PTPRD: variants seen among roughly 807,000 people sequenced by gnomAD.
PTPRD encodes receptor-type tyrosine-protein phosphatase delta.
In PTPRD, 34 loss-of-function variants were observed where a neutral mutation model predicts 214.5. That is an observed-to-expected ratio of 0.16 (90% confidence interval 0.12 to 0.21). PTPRD has a LOEUF of 0.21. Among genes scored for constraint, PTPRD ranks in the 10% least tolerant of loss-of-function variants. PTPRD has a pLI of 1.00. For synonymous variants in PTPRD, 1,128 were observed against 845.7 expected (o/e 1.33, Z -5.79); for missense variants, 2,545 against 2,398.7 (o/e 1.06, Z -1.27).
intron 43 of PTPRD, among the ~76,000 whole-genome samples, chr9:8,333,000 G>T (rs931683946): frequency 6.6e-6 from 1 of 152,046 alleles, no homozygotes; most frequent in Non-Finnish European, 1.5e-5. Context: ...CACTCATATT[G>T]AGAAGAGAGA....
At chr9:10,408,614 C>A (rs1322453471) in intron 2 of PTPRD, among the ~76,000 whole-genome samples, 1 of 151,584 alleles carries the variant, frequency 6.6e-6, no homozygotes, top group African/African-American at 2.4e-5. Flanking sequence ...GATAATACTT[C>A]TATATATATT....
Position 10,558,785 on chromosome 9 carries a change from A to G in PTPRD, c.-600+53613T>C, listed in dbSNP as rs148417677. On this transcript the variant is annotated intron_variant, in intron 2 of 45. Transcript: ENST00000381196. ...GGATGAATGGATTCACTCAATGAGA[A>G]TTTTGTAAGCATGTAAAAACAATAT... Among the ~76,000 whole-genome samples, 145 of 152,302 alleles carry G rather than the reference A, an allele frequency of 9.5e-4. 2 individuals carry two copies. The highest frequency in any genetic ancestry group is 3.4e-3 in the African/African-American group (143 of 41,566).
intron 7 of PTPRD, among the ~76,000 whole-genome samples, chr9:9,692,264 G>C (rs974925707): frequency 6.6e-6 from 1 of 151,770 alleles, no homozygotes; most frequent in African/African-American, 2.4e-5. Flanking sequence ...TGAGGTCTTA[G>C]ATTTATGTCT....
intron 2 of PTPRD, among the ~76,000 whole-genome samples, chr9:10,555,236 GCC>G: frequency 6.6e-6 from 1 of 152,164 alleles, no homozygotes; most frequent in Non-Finnish European, 1.5e-5. Flanking sequence ...CTAAAACCAA[GCC>G]TTATATATTT....
At chr9:10,103,372 G>A (rs1048046634) in intron 3 of PTPRD, among the ~76,000 whole-genome samples, 10 of 83,674 alleles carry the variant, frequency 1.2e-4, no homozygotes, top group Non-Finnish European at 6.8e-5. Flanking sequence ...ATTTTAAACT[G>A]CATATTATAT....
chr9:9,158,286 T>C (rs138084746), intron 10 of PTPRD, among the ~76,000 whole-genome samples: 2 of 152,204 alleles, frequency 1.3e-5, no homozygotes, highest in African/African-American at 4.8e-5. Context: ...CTTTGAGGAA[T>C]TGCCACACTG....
At chr9:8,757,791 C>A (rs758078359) in intron 11 of PTPRD, among the ~76,000 whole-genome samples, 3 of 151,954 alleles carry the variant, frequency 2.0e-5, no homozygotes, top group Admixed American at 1.3e-4. Flanking sequence ...CATGATACTG[C>A]ATTCCAAAAA....
chr9:9,998,849 G>C (rs1385601233), intron 4 of PTPRD, among the ~76,000 whole-genome samples: 1 of 152,130 alleles, frequency 6.6e-6, no homozygotes, highest in Admixed American at 6.5e-5. Flanking sequence ...GATTCTCCAT[G>C]CTCATGCTGC....
chr9:8,773,098 A>G (rs1022124483), intron 11 of PTPRD, among the ~76,000 whole-genome samples: 2 of 151,990 alleles, frequency 1.3e-5, no homozygotes, highest in Non-Finnish European at 2.9e-5. Context: ...CTCTGGTGGG[A>G]GCAGGCAATA....
At chr9:9,928,657 G>C (rs2085206443) in intron 5 of PTPRD, among the ~76,000 whole-genome samples, 1 of 151,714 alleles carries the variant, frequency 6.6e-6, no homozygotes. Flanking sequence ...TATTTTATTT[G>C]TAAACTCGAC....
intron 4 of PTPRD, among the ~76,000 whole-genome samples, chr9:9,947,427 A>G (rs1355177172): frequency 3.1e-5 from 1 of 31,902 alleles, no homozygotes; most frequent in African/African-American, 3.4e-4. Context: ...TATATATATT[A>G]TATATATATT....
intron 5 of PTPRD, among the ~76,000 whole-genome samples, chr9:9,793,901 G>A (rs2098984144): frequency 6.6e-6 from 1 of 152,000 alleles, no homozygotes; most frequent in Non-Finnish European, 1.5e-5. Flanking sequence ...ACTGGAAATA[G>A]TTTATGAAAT....
At position 9,520,746 on chromosome 9, in the gene PTPRD, C is replaced by T. The variant is rs150851463; in HGVS notation, c.-237+53986G>A. On this transcript the variant is annotated intron_variant, in intron 8 of 45. Transcript: ENST00000381196. ...CAACTTCTCTCATTTTAATTGAATG[C>T]CAATAAAATTTTCAATGTCAGCATG... Among the ~76,000 whole-genome samples, 656 of 152,162 alleles carry T rather than the reference C, an allele frequency of 4.3e-3. 2 individuals carry two copies. Among genetic ancestry groups the T allele is most frequent in the Non-Finnish European group, 7.2e-3 (492 of 67,996 alleles).
chr9:8,376,849 G>C (rs912582884), intron 37 of PTPRD, 123 bp from the exon 38 acceptor site: 2 of 1,337,722 alleles, frequency 1.5e-6, no homozygotes, highest in Non-Finnish European at 2.0e-6. Context: ...TCTTTTTCTG[G>C]CATGCATTTT....
chr9:8,899,294 C>G (rs1315173584), intron 11 of PTPRD, among the ~76,000 whole-genome samples: 2 of 152,044 alleles, frequency 1.3e-5, no homozygotes, highest in Non-Finnish European at 2.9e-5. Context: ...GGTAGCATGC[C>G]CTCTTTAACA....
At chr9:9,015,919 A>G (rs2099533053) in intron 11 of PTPRD, among the ~76,000 whole-genome samples, 1 of 152,116 alleles carries the variant, frequency 6.6e-6, no homozygotes, top group East Asian at 1.9e-4. Context: ...GAGGTGAGGA[A>G]TGCCAATAAG....
intron 14 of PTPRD, among the ~76,000 whole-genome samples, chr9:8,625,993 T>C (rs1281647249): frequency 6.6e-6 from 1 of 151,826 alleles, no homozygotes; most frequent in East Asian, 1.9e-4. Context: ...TAAGATATAA[T>C]AAGTTACTTG....
intron 5 of PTPRD, among the ~76,000 whole-genome samples, chr9:9,772,245 G>T (rs749236040): frequency 8.5e-5 from 13 of 152,172 alleles, no homozygotes; most frequent in South Asian, 2.1e-4. Flanking sequence ...TACGAGACAA[G>T]GAGAAAGACT....
chr9:9,709,546 C>T (rs1165473806), intron 7 of PTPRD, among the ~76,000 whole-genome samples: 5 of 151,996 alleles, frequency 3.3e-5, no homozygotes, highest in Admixed American at 6.6e-5. Flanking sequence ...TTATGGTATT[C>T]ATTTCCATTT....
Sources: gnomAD v4.1 joint callset for allele counts (sites outside exome capture counted in the v4.1 genomes callset) on GRCh38, gnomAD v4.1.1 for gene constraint, MANE v1.5 for transcripts, NCBI Gene and HGNC (gene_info 2026-07-23, HGNC 2026-07-21) for gene names.